Variants in EEF2 observed in about 807,000 individuals in gnomAD.
EEF2 encodes elongation factor 2.
Under a neutral mutation model 85.3 loss-of-function variants are expected in EEF2, and 21 were observed. That is an observed-to-expected ratio of 0.25 (90% CI 0.17 to 0.35). The LOEUF is 0.35. EEF2 is among the 10% of genes least tolerant of loss of function. EEF2 has a pLI of 1.00. For synonymous variants in EEF2, 723 were observed against 508.8 expected (o/e 1.42, Z -5.67); for missense variants, 825 against 1,225.3 (o/e 0.67, Z 4.88).
At chr19:3,981,682 G>A (rs1426947150) in intron 6 of EEF2, among the ~76,000 whole-genome samples, 1 of 152,260 alleles carries the variant, frequency 6.6e-6, no homozygotes, top group African/African-American at 2.4e-5. Context: ...AAGGACCCAA[G>A]TTCTGACTTA....
Position 3,978,803 on chromosome 19 carries a change from CAAAAAAAAAAA to C in EEF2, c.1713+515_1713+525del, listed in dbSNP as rs58074233. Among the ~76,000 whole-genome samples, 41 of 36,832 alleles carry C rather than the reference CAAAAAAAAAAA, an allele frequency of 1.1e-3. 1 individual carries two copies. The East Asian group carries it at 0.028, about 26-fold the overall frequency. The allele number at this position is 36,832 out of a possible 152,430, so 24.2% of individuals were successfully genotyped here. A position where few individuals can be genotyped will look rare whatever the true frequency, so the allele number is the denominator to read the frequency against. Reference sequence around the variant, plus strand: ...AAGCAACAGAGCAAGACTCTTGTCTCAAAAAAAAAAAAAAAAAAAAAAAAAAAATAGCCCTG... The same window carrying C: ...AAGCAACAGAGCAAGACTCTTGTCTCAAAAAAAAAAAAAAAAATAGCCCTG... On this transcript the variant is annotated intron_variant, in intron 11 of 14. Transcript: ENST00000309311.
At position 3,983,227 on chromosome 19, in the gene EEF2, C is replaced by T. The variant is rs145985140; in HGVS notation, c.283G>A (p.Gly95Ser). Residue 95 changes from glycine (G) to serine (S), a missense_variant, in exon 3 of 15, where the codon GGT (glycine) becomes AGT (serine). Gly to Ser is a moderately conservative substitution (Grantham distance 56). Transcript: ENST00000309311. ...ATGAGGTTGATGAGGAAGCCGGCAC[C>T]GTCCTTGCTCTGCTTGATGAAGTTC... ...DLNFIKQSKD[G>S]AGFLINLIDS... 5.0e-5 allele frequency: 80 copies of T among 1,613,966 alleles called. No homozygotes were observed. The African/African-American group carries it at 8.3e-4, about 17-fold the overall frequency.
At position 3,976,572 on chromosome 19, in the gene EEF2, G is replaced by A. The variant is rs955808967; in HGVS notation, c.2559C>T (p.Asn853=). 2 of 1,608,704 alleles carry A rather than the reference G, an allele frequency of 1.2e-6. No homozygotes were observed. Among genetic ancestry groups the A allele is most frequent in the Non-Finnish European group, 1.7e-6 (2 of 1,177,802 alleles). ...GLKEGIPALD[N]FLDKL ...GGGCCGCCTACAATTTGTCCAGGAA[G>A]TTGTCCAGGGCAGGGATGCCTTCTT... Residue 853 remains asparagine, a synonymous_variant, in exon 15 of 15, where the codon AAC becomes AAT. Transcript: ENST00000309311.
At position 3,979,225 on chromosome 19, in the gene EEF2, G is replaced by C. The variant is rs556756894; in HGVS notation, c.1713+104C>G. On this transcript the variant is annotated intron_variant, in intron 11 of 14. Coordinates refer to ENST00000309311, the MANE Select transcript of EEF2 (RefSeq NM_001961.4). ...AACTTAAGAAGCTGAGACCAAGACC[G>C]AGATCAAGTCTAGGCGTCTGCAGAG... is the stretch of plus-strand genomic sequence containing the variant. 3.0e-5 allele frequency: 25 copies of C among 843,900 alleles called. No homozygotes were observed. The South Asian group carries it at 3.3e-4, about 11-fold the overall frequency. The allele number at this position is 843,900 out of a possible 1,614,324, so 52.3% of individuals were successfully genotyped here.
rs537442611 is a variant in EEF2 at position 3,979,466 on chromosome 19, G to A, written c.1606-30C>T. 2.8e-4 allele frequency: 444 copies of A among 1,592,996 alleles called. 4 individuals are homozygous for A. In the South Asian group the frequency reaches 4.6e-3, roughly 17 times the overall value. On this transcript the variant is annotated intron_variant, in intron 10 of 14. Coordinates refer to ENST00000309311, the MANE Select transcript of EEF2 (RefSeq NM_001961.4). ...AAGGGATGCGGGTCAGCACCAAAGG[G>A]GTAGGCGGCTCGGAACAGGCGGGAC...
chr19:3,978,199 T>C (rs1381296047), intron 11 of EEF2, 27 bp from the exon 12 acceptor site: 5 of 1,434,656 alleles, frequency 3.5e-6, no homozygotes, highest in East Asian at 2.6e-5. Context: ...AGTCCCACTC[T>C]TGCCTGGAGA....
At position 3,977,294 on chromosome 19, in the gene EEF2, G is replaced by T; in HGVS notation, c.2304C>A (p.Gly768=). The change falls in exon 14 of 15, where the codon GGC becomes GGA. Residue 768 remains glycine, a synonymous_variant. Coordinates refer to ENST00000309311, the MANE Select transcript of EEF2 (RefSeq NM_001961.4). The surrounding 1 kb of genome is among the most constrained non-coding windows in gnomAD (Gnocchi z 5.4). ...CCACCTGGGACTCCTCGAACACGTG[G>T]CCCCGCTTCCTGTTCAAAACCCCGT... ...GIYGVLNRKR[G]HVFEESQVAG... 1 of 1,607,498 alleles carries T rather than the reference G, an allele frequency of 6.2e-7. No individual in the cohort carries two copies. The highest frequency in any genetic ancestry group is 8.5e-7 in the Non-Finnish European group (1 of 1,177,064).
chr19:3,983,859 C>T (rs2039786359), intron 2 of EEF2: 2 of 500,650 alleles, frequency 4.0e-6, no homozygotes, highest in Non-Finnish European at 7.3e-6. Flanking sequence ...ACAGCCAAAC[C>T]TCTCCAGATA....
At chr19:3,978,315 G>A (rs2039701958) in intron 11 of EEF2, 143 bp from the exon 12 acceptor site, 8 of 668,388 alleles carry the variant, frequency 1.2e-5, no homozygotes, top group African/African-American at 1.8e-5. Flanking sequence ...CGGAGTCAGT[G>A]TTGCAGTGCC....
rs1356313960 is a variant in EEF2, at chr19:3,982,685, T to C, written c.612+122A>G. ...GGATGAAAACATTCCAGCCCCCTTCTCTGTCACCCAACATTCCTGGCAAAA... is the reference window on the plus strand; with the variant it reads ...GGATGAAAACATTCCAGCCCCCTTCCCTGTCACCCAACATTCCTGGCAAAA... On this transcript the variant is annotated intron_variant, in intron 4 of 14. Coordinates refer to ENST00000309311, the MANE Select transcript of EEF2 (RefSeq NM_001961.4). 6.6e-6 allele frequency: 8 copies of C among 1,211,044 alleles called. No individual in the cohort carries two copies. The Admixed American group carries it at 1.4e-4, about 21-fold the overall frequency. 75.0% of individuals were successfully genotyped at this position (1,211,044 alleles called of 1,614,324 possible). A position where few individuals can be genotyped will look rare whatever the true frequency, so the allele number is the denominator to read the frequency against.
chr19:3,982,566 C>T, intron 4 of EEF2, 142 bp from the exon 5 acceptor site: 3 of 1,215,812 alleles, frequency 2.5e-6, no homozygotes, highest in Non-Finnish European at 3.6e-6. Flanking sequence ...GATCAGTCAT[C>T]ACGAATAGGG....
rs35465515 is a variant in EEF2, at chr19:3,979,449, C to T, written c.1606-13G>A. 1.2e-5 allele frequency: 19 copies of T among 1,608,908 alleles called. No homozygotes were observed. The highest frequency in any genetic ancestry group is 1.5e-5 in the Non-Finnish European group (18 of 1,177,434). On this transcript the variant is annotated splice_polypyrimidine_tract_variant and intron_variant, in intron 10 of 14. Coordinates refer to ENST00000309311, the MANE Select transcript of EEF2 (RefSeq NM_001961.4). ...CCTCGATGATGCACTGAAAGGGATG[C>T]GGGTCAGCACCAAAGGGGTAGGCGG...
At position 3,982,288 on chromosome 19, in the gene EEF2, G is replaced by C; in HGVS notation, c.749C>G (p.Ala250Gly). 1.2e-6 allele frequency: 2 copies of C among 1,614,130 alleles called. No homozygotes were observed. The highest frequency in any genetic ancestry group is 1.7e-6 in the Non-Finnish European group (2 of 1,180,028). Residue 250 changes from alanine (A) to glycine (G), a missense_variant, in exon 5 of 15, where the codon GCC (alanine) becomes GGC (glycine). Physicochemically the swap from Ala to Gly is moderately conservative, Grantham distance 60. Transcript: ENST00000309311. Reference protein sequence around the residue: ...GEGQLGPAERAKKVEDMMKKL... With the variant: ...GEGQLGPAERGKKVEDMMKKL... ...CTTCATCATGTCCTCTACTTTCTTG[G>C]CCCGCTCGGCAGGCCCCAACTGGCC...
intron 4 of EEF2, 182 bp from the exon 5 acceptor site, chr19:3,982,606 G>A (rs566270285): frequency 5.7e-6 from 6 of 1,050,374 alleles, no homozygotes; most frequent in Admixed American, 3.6e-5. Flanking sequence ...CCAGGGCAGC[G>A]TTCCCTGAGC....
At position 3,984,213 on chromosome 19, in the gene EEF2, G is replaced by A. The variant is rs1047802225; in HGVS notation, c.141C>T (p.Ala47=). 4.3e-6 allele frequency: 7 copies of A among 1,614,004 alleles called. No homozygotes were observed. Among genetic ancestry groups the A allele is most frequent in the South Asian group, 2.2e-5 (2 of 91,092 alleles). ...DSLVCKAGII[A]SARAGETRFT... is the part of the protein sequence containing the mutation. ...AGCGTGTCTCCCCGGCCCGGGCCGA[G>A]GCGATGATGCCCGCCTTGCACACCA... The change falls in exon 2 of 15, where the codon GCC becomes GCT. Residue 47 remains alanine, a synonymous_variant. Transcript: ENST00000309311.
At chr19:3,981,101 G>C in intron 7 of EEF2, 122 bp from the exon 8 acceptor site, 1 of 1,435,598 alleles carries the variant, frequency 7.0e-7, no homozygotes, top group Non-Finnish European at 9.2e-7. Flanking sequence ...CCAAAGCACA[G>C]TCCCTTCTGG....
At chr19:3,981,260 C>A in intron 7 of EEF2, 79 bp downstream of exon 7, 1 of 1,410,690 alleles carries the variant, frequency 7.1e-7, no homozygotes, top group Non-Finnish European at 1.0e-6. Context: ...GGACTTCAGC[C>A]CCCAGGCCTG....
rs2039722833 is a variant in EEF2, at chr19:3,979,796, C to T, written c.1605+12G>A. On this transcript the variant is annotated intron_variant, in intron 10 of 14. Transcript: ENST00000309311. ...AGGGTGTCTGCTCCCAGCAGGTGCACTCCGTGCCCACCTGCACCATGGGGT... is the reference window on the plus strand; with the variant it reads ...AGGGTGTCTGCTCCCAGCAGGTGCATTCCGTGCCCACCTGCACCATGGGGT... 2 of 1,608,116 alleles carry T rather than the reference C, an allele frequency of 1.2e-6. No individual in the cohort carries two copies. The highest frequency in any genetic ancestry group is 1.7e-6 in the Non-Finnish European group (2 of 1,176,644).
chr19:3,977,825 G>C lies in EEF2; in HGVS notation c.2061C>G (p.Thr687=). 1 of 1,581,948 alleles carries C rather than the reference G, an allele frequency of 6.3e-7. No homozygotes were observed. ...DSVVAGFQWA[T]KEGALCEENM... is the part of the protein sequence containing the mutation. ...ATGCTGAGCCGTGCCTCACCTCCTTGGTGGCCCACTGGAAGCCGGCCACCA... is the reference window on the plus strand; with the variant it reads ...ATGCTGAGCCGTGCCTCACCTCCTTCGTGGCCCACTGGAAGCCGGCCACCA... Residue 687 remains threonine (T), a synonymous_variant, in exon 12 of 15, where the codon ACC becomes ACG. Coordinates refer to ENST00000309311, the MANE Select transcript of EEF2 (RefSeq NM_001961.4). This position sits in a 1 kb window ranked among gnomAD's most constrained non-coding sequence, Gnocchi z 5.4.
Sources: gnomAD v4.1 joint callset for allele counts (sites outside exome capture counted in the v4.1 genomes callset) on GRCh38, gnomAD v4.1.1 for gene constraint, Gnocchi (gnomAD v3.1) non-coding constraint, MANE v1.5 for transcripts, NCBI Gene and HGNC (gene_info 2026-07-23, HGNC 2026-07-21) for gene names.